Variants in PRKAR1B observed in about 807,000 individuals in gnomAD.
PRKAR1B encodes the protein protein kinase cAMP-dependent type I regulatory subunit beta.
A neutral mutation model predicts 46.5 loss-of-function variants in PRKAR1B; 22 were observed. The observed-to-expected ratio is 0.47, with a 90% CI of 0.34 to 0.68. The LOEUF (loss-of-function observed/expected upper bound fraction) is 0.68, where lower values mean the gene tolerates loss of function less well. Among genes scored for constraint, PRKAR1B ranks in the 30% least tolerant of loss-of-function variants. The probability of loss-of-function intolerance (pLI) is 0.01; values close to 1 mark genes in which losing one functional copy is unlikely to be tolerated. For missense variants in PRKAR1B, 445 were observed against 535.6 expected, an observed-to-expected ratio of 0.83 and a Z score of 1.67; for synonymous variants, 259 against 217.7, an observed-to-expected ratio of 1.19 and a Z score of -1.67.
In PRKAR1B at chr7:644,705, C is replaced by A. The variant is rs1170926009; in HGVS notation, c.440+32524G>T. Among the ~76,000 whole-genome samples the A allele has an allele frequency of 2.0e-5, 3 of 152,192 alleles. No homozygotes were observed. The highest frequency in any genetic ancestry group is 4.8e-5 in the African/African-American group (2 of 41,438). On this transcript the variant is annotated intron_variant, in intron 4 of 10. Transcript: ENST00000537384. This position sits in a 1 kb window ranked among gnomAD's most constrained non-coding sequence, Gnocchi z 4.9. The stretch of plus-strand genomic sequence containing the variant: ...ACCCACCAGGGCCTGGGTGGCTGGA[C>A]CACAGCCCAGCAAAGGGCAAACCCC...
chr7:642,689 C>T (rs1282041389), intron 4 of PRKAR1B, among the ~76,000 whole-genome samples: 6 of 150,368 alleles, frequency 4.0e-5, no homozygotes, highest in Non-Finnish European at 7.4e-5. Context: ...GCCGAGATCC[C>T]GCCACTGCAC....
chr7:556,961 C>T (rs1198374249), intron 9 of PRKAR1B, among the ~76,000 whole-genome samples: 2 of 152,320 alleles, frequency 1.3e-5, no homozygotes, highest in African/African-American at 2.4e-5. Context: ...GAACTAGACG[C>T]GGCCACTCAG....
chr7:620,017 C>CTT lies in PRKAR1B; in HGVS notation c.441-12567_441-12566dup, dbSNP rs71016891. ...AGGCACATGCCATCATACCCAGCTA[C>CTT]TTTTTTTTTTTTTTTTTTTAGAGAT... On this transcript the variant is annotated intron_variant, in intron 4 of 10. Transcript: ENST00000537384. Among the ~76,000 whole-genome samples the CTT allele has an allele frequency of 4.2e-3, 548 of 130,986 alleles. 6 individuals are homozygous for CTT. The highest frequency in any genetic ancestry group is 0.018 in the East Asian group (79 of 4,464). The allele number at this position is 130,986 out of a possible 152,430, so 85.9% of individuals were successfully genotyped here.
intron 4 of PRKAR1B, among the ~76,000 whole-genome samples, chr7:625,458 T>C (rs1413512210): frequency 6.6e-6 from 1 of 152,214 alleles, no homozygotes; most frequent in African/African-American, 2.4e-5. Flanking sequence ...AGAAAATCGA[T>C]GCAGCCAAAG....
At chr7:724,903 C>G (rs566080590) in intron 1 of PRKAR1B, among the ~76,000 whole-genome samples, 3 of 152,312 alleles carry the variant, frequency 2.0e-5, no homozygotes, top group African/African-American at 7.2e-5. Context: ...ACTGAATATG[C>G]TACATAACAA....
At chr7:657,852 G>A (rs558797045) in intron 4 of PRKAR1B, among the ~76,000 whole-genome samples, 37 of 152,104 alleles carry the variant, frequency 2.4e-4, no homozygotes, top group Non-Finnish European at 4.0e-4. Flanking sequence ...GCTCAGGGGC[G>A]CTTTCATTTC....
chr7:721,918 G>A (rs1024566829), intron 1 of PRKAR1B, among the ~76,000 whole-genome samples: 1 of 151,968 alleles, frequency 6.6e-6, no homozygotes, highest in Non-Finnish European at 1.5e-5. Context: ...TCCTCTCTAG[G>A]CAAGGCATTA....
chr7:576,481 T>C (rs1458798996), intron 9 of PRKAR1B, among the ~76,000 whole-genome samples: 1 of 152,184 alleles, frequency 6.6e-6, no homozygotes, highest in Non-Finnish European at 1.5e-5. Flanking sequence ...CAGCCTGCTG[T>C]ACTTTTAGGT....
intron 2 of PRKAR1B, among the ~76,000 whole-genome samples, chr7:707,997 A>ACCAC (rs749085266): frequency 8.9e-4 from 135 of 151,118 alleles, no homozygotes; most frequent in Admixed American, 1.7e-3. Context: ...TCCAGCCTGG[A>ACCAC]CCACCCAAGA....
At chr7:682,797 T>C (rs1341780344) in intron 2 of PRKAR1B, among the ~76,000 whole-genome samples, 1 of 152,030 alleles carries the variant, frequency 6.6e-6, no homozygotes, top group Non-Finnish European at 1.5e-5. Flanking sequence ...TCCTAACAGA[T>C]ATGAATGGCT....
intron 7 of PRKAR1B, among the ~76,000 whole-genome samples, chr7:590,815 G>T (rs1000257647): frequency 6.6e-6 from 1 of 152,084 alleles, no homozygotes; most frequent in Non-Finnish European, 1.5e-5. Flanking sequence ...TTCTCCACCC[G>T]CTGCGGGTGC....
intron 9 of PRKAR1B, among the ~76,000 whole-genome samples, chr7:575,396 C>A (rs1779762310): frequency 2.6e-5 from 4 of 152,214 alleles, no homozygotes; most frequent in African/African-American, 9.6e-5. Flanking sequence ...CTTTGGAGCA[C>A]CCAGTCTTGG....
chr7:699,298 T>C lies in PRKAR1B; in HGVS notation c.177+12031A>G, dbSNP rs180846655. Among the ~76,000 whole-genome samples, 36 of 152,246 alleles carry C rather than the reference T, an allele frequency of 2.4e-4. 1 individual carries two copies. In the East Asian group the frequency reaches 7.0e-3, roughly 30 times the overall value. Reference sequence around the variant, plus strand: ...TCATCTGGCCAGGCCTGCGTGAGAATTCGATGAGATAAAGTATGCAAAGCA... The same window carrying C: ...TCATCTGGCCAGGCCTGCGTGAGAACTCGATGAGATAAAGTATGCAAAGCA... On this transcript the variant is annotated intron_variant, in intron 2 of 10. Coordinates refer to ENST00000537384, the MANE Select transcript of PRKAR1B (RefSeq NM_001164760.2).
intron 1 of PRKAR1B, chr7:726,598 G>T: frequency 1.4e-6 from 1 of 739,660 alleles, no homozygotes; most frequent in Non-Finnish European, 1.8e-6. Context: ...AGGCCCACGT[G>T]CGCACCGGCG....
intron 7 of PRKAR1B, among the ~76,000 whole-genome samples, chr7:587,623 T>C (rs1371841165): frequency 3.9e-5 from 6 of 152,044 alleles, no homozygotes; most frequent in Admixed American, 3.9e-4. Context: ...CATGGGAAAA[T>C]GAGGGACCAC....
intron 4 of PRKAR1B, among the ~76,000 whole-genome samples, chr7:612,064 T>C (rs1352684153): frequency 6.8e-6 from 1 of 148,060 alleles, no homozygotes; most frequent in Non-Finnish European, 1.5e-5. Context: ...GATGGATGGA[T>C]GGATGGATGG....
At chr7:643,723 A>G (rs1191868215) in intron 4 of PRKAR1B, among the ~76,000 whole-genome samples, 4 of 145,826 alleles carry the variant, frequency 2.7e-5, no homozygotes, top group Admixed American at 6.8e-5. Context: ...CTCCATCTTG[A>G]AAAAAAAAAA....
At chr7:641,379 A>G (rs1463787813) in intron 4 of PRKAR1B, among the ~76,000 whole-genome samples, 1 of 152,226 alleles carries the variant, frequency 6.6e-6, no homozygotes, top group African/African-American at 2.4e-5. Context: ...ATTGTTCATA[A>G]TAGCTCCAAA....
At chr7:715,906 G>A (rs901927646) in intron 1 of PRKAR1B, among the ~76,000 whole-genome samples, 5 of 151,970 alleles carry the variant, frequency 3.3e-5, no homozygotes, top group Non-Finnish European at 7.4e-5. Flanking sequence ...TAGTAGAGAT[G>A]GGGTTTCACC....
Sources: gnomAD v4.1 joint callset for allele counts (sites outside exome capture counted in the v4.1 genomes callset) on GRCh38, gnomAD v4.1.1 for gene constraint, Gnocchi (gnomAD v3.1) non-coding constraint, MANE v1.5 for transcripts, NCBI Gene and HGNC (gene_info 2026-07-23, HGNC 2026-07-21) for gene names.